MNAT1: variants seen among roughly 807,000 people sequenced by gnomAD.
The protein encoded by MNAT1 is CDK-activating kinase assembly factor MAT1.
In MNAT1, 43 loss-of-function variants were observed where a neutral mutation model predicts 42.0. The ratio of observed to expected loss-of-function variants is 1.02; its 90% confidence interval spans 0.80 to 1.32. MNAT1 has a LOEUF of 1.32. Among genes scored for constraint, MNAT1 ranks in the 40% most tolerant of loss-of-function variants. The pLI is 0.00. For synonymous variants in MNAT1, 118 were observed against 120.0 expected (o/e 0.98, Z 0.11); for missense variants, 306 against 350.4 (o/e 0.87, Z 1.01).
intron 6 of MNAT1, among the ~76,000 whole-genome samples, chr14:60,869,282 C>T (rs1260262934): frequency 6.6e-6 from 1 of 151,422 alleles, no homozygotes; most frequent in African/African-American, 2.4e-5. Flanking sequence ...CTCAAGCAAT[C>T]CGCCTGCCTC....
At chr14:60,916,260 T>C (rs905115126) in intron 7 of MNAT1, among the ~76,000 whole-genome samples, 8 of 152,232 alleles carry the variant, frequency 5.3e-5, no homozygotes, top group Non-Finnish European at 1.2e-4. Context: ...AAAAATGACA[T>C]ATTGAAGAGC....
intron 6 of MNAT1, among the ~76,000 whole-genome samples, chr14:60,820,164 G>A (rs2032839178): frequency 6.6e-6 from 1 of 152,022 alleles, no homozygotes; most frequent in Admixed American, 6.6e-5. Context: ...TAAAAGACCA[G>A]TAAACTCAGT....
At chr14:60,758,655 A>G (rs1207269377) in intron 1 of MNAT1, among the ~76,000 whole-genome samples, 1 of 151,824 alleles carries the variant, frequency 6.6e-6, no homozygotes, top group Non-Finnish European at 1.5e-5. Context: ...CCTTTTAACC[A>G]TGATACTTCC....
At chr14:60,765,707 A>G (rs2030787387) in intron 1 of MNAT1, among the ~76,000 whole-genome samples, 1 of 152,190 alleles carries the variant, frequency 6.6e-6, no homozygotes, top group Non-Finnish European at 1.5e-5. Context: ...AGACTAGATT[A>G]TTGATGATGG....
At chr14:60,937,136 A>G (rs2139580164) in intron 7 of MNAT1, among the ~76,000 whole-genome samples, 1 of 151,946 alleles carries the variant, frequency 6.6e-6, no homozygotes, top group South Asian at 2.1e-4. Flanking sequence ...GCCCTTTGTC[A>G]GAAGAGTAGG....
At chr14:60,891,543 C>T (rs557060803) in intron 7 of MNAT1, among the ~76,000 whole-genome samples, 2 of 152,024 alleles carry the variant, frequency 1.3e-5, no homozygotes, top group African/African-American at 4.8e-5. Context: ...CTCCGCCTCC[C>T]ATATTCAAGT....
chr14:60,738,533 G>A (rs1456063445), intron 1 of MNAT1, among the ~76,000 whole-genome samples: 1 of 152,070 alleles, frequency 6.6e-6, no homozygotes, highest in Non-Finnish European at 1.5e-5. Flanking sequence ...GGGATTACAG[G>A]TGTGAGCCAC....
At chr14:60,897,552 T>C (rs1313828222) in intron 7 of MNAT1, among the ~76,000 whole-genome samples, 1 of 152,138 alleles carries the variant, frequency 6.6e-6, no homozygotes, top group Non-Finnish European at 1.5e-5. Flanking sequence ...ATTTTCCTTA[T>C]GCATGATTTA....
intron 7 of MNAT1, among the ~76,000 whole-genome samples, chr14:60,920,448 C>A (rs536411982): frequency 2.6e-5 from 4 of 151,718 alleles, no homozygotes; most frequent in Non-Finnish European, 5.9e-5. Context: ...TTGGGACAGT[C>A]TCGCTCCGTC....
At chr14:60,751,492 A>G (rs925053027) in intron 1 of MNAT1, among the ~76,000 whole-genome samples, 1 of 152,074 alleles carries the variant, frequency 6.6e-6, no homozygotes, top group Non-Finnish European at 1.5e-5. Flanking sequence ...TATATAAGCA[A>G]TGACATAGTA....
chr14:60,874,360 A>G (rs535660649), intron 6 of MNAT1, among the ~76,000 whole-genome samples: 5 of 152,206 alleles, frequency 3.3e-5, no homozygotes, highest in African/African-American at 1.2e-4. Flanking sequence ...TTGTCTCAGG[A>G]CACAACATAC....
chr14:60,843,564 C>T (rs1012036162), intron 6 of MNAT1, among the ~76,000 whole-genome samples: 8 of 152,164 alleles, frequency 5.3e-5, no homozygotes, highest in Non-Finnish European at 4.4e-5. Context: ...GCCACTGCGT[C>T]CGGCCTCGTT....
At chr14:60,851,536 A>G (rs4151260) in intron 6 of MNAT1, among the ~76,000 whole-genome samples, 2,322 of 152,178 alleles carry the variant, frequency 0.015, 46 homozygotes, top group African/African-American at 0.048. Flanking sequence ...TATTATTATT[A>G]ATATTTTTAT....
intron 1 of MNAT1, among the ~76,000 whole-genome samples, chr14:60,757,300 G>A (rs1187922149): frequency 6.6e-6 from 1 of 152,018 alleles, no homozygotes; most frequent in Admixed American, 6.6e-5. Context: ...ATAATTCCAA[G>A]TTATATTAAT....
At chr14:60,750,809 T>A (rs2030058398) in intron 1 of MNAT1, among the ~76,000 whole-genome samples, 2 of 152,132 alleles carry the variant, frequency 1.3e-5, no homozygotes, top group South Asian at 4.1e-4. Flanking sequence ...AATGTCTGGG[T>A]GATACCAAAT....
At chr14:60,914,337 C>T (rs887810595) in intron 7 of MNAT1, among the ~76,000 whole-genome samples, 2 of 152,200 alleles carry the variant, frequency 1.3e-5, no homozygotes, top group Non-Finnish European at 2.9e-5. Context: ...CTGTCCTGCA[C>T]CCACTGTCCG....
chr14:60,893,932 G>A (rs1270715346), intron 7 of MNAT1, among the ~76,000 whole-genome samples: 1 of 152,150 alleles, frequency 6.6e-6, no homozygotes, highest in East Asian at 1.9e-4. Flanking sequence ...GGATCAGGAT[G>A]GTGCTTTCTT....
intron 6 of MNAT1, among the ~76,000 whole-genome samples, chr14:60,820,686 G>A (rs143900355): frequency 1.3e-5 from 2 of 152,020 alleles, no homozygotes; most frequent in East Asian, 1.9e-4. Flanking sequence ...TTTCTTTAGT[G>A]GACTATCACA....
chr14:60,757,509 G>A (rs1352114031), intron 1 of MNAT1, among the ~76,000 whole-genome samples: 12 of 152,138 alleles, frequency 7.9e-5, no homozygotes, highest in Non-Finnish European at 7.4e-5. Context: ...ATTTTTAATA[G>A]ACTGTTCCTA....
Sources: gnomAD v4.1 joint callset for allele counts (sites outside exome capture counted in the v4.1 genomes callset) on GRCh38, gnomAD v4.1.1 for gene constraint, MANE v1.5 for transcripts, NCBI Gene and HGNC (gene_info 2026-07-23, HGNC 2026-07-21) for gene names.